The following SSBP3 variants were observed in gnomAD, a reference collection of about 807,000 sequenced individuals.
The protein encoded by SSBP3 is single stranded DNA binding protein 3.
Under a neutral mutation model 69.6 loss-of-function variants are expected in SSBP3, and 5 were observed. The observed-to-expected ratio is 0.07, with a 90% CI of 0.04 to 0.15. SSBP3 has a LOEUF of 0.15. Among genes scored for constraint, SSBP3 ranks in the 10% least tolerant of loss-of-function variants. The probability of loss-of-function intolerance (pLI) is 1.00; values close to 1 mark genes in which losing one functional copy is unlikely to be tolerated. For synonymous variants in SSBP3, 196 were observed against 193.4 expected, an observed-to-expected ratio of 1.01 and a Z score of -0.11; for missense variants, 312 against 534.0, an observed-to-expected ratio of 0.58 and a Z score of 4.10.
chr1:54,273,051 G>A (rs915615094), intron 5 of SSBP3, among the ~76,000 whole-genome samples: 3 of 152,236 alleles, frequency 2.0e-5, no homozygotes, highest in Admixed American at 1.3e-4. Context: ...CCAGGAGGAC[G>A]TGGTGTGTAG....
chr1:54,305,634 AGAG>A lies in SSBP3; in HGVS notation c.277-24110_277-24108del, dbSNP rs796746914. 3.3e-3 allele frequency among the ~76,000 whole-genome samples: 478 copies of A among 145,422 alleles called. 4 individuals are homozygous for A. The highest frequency in any genetic ancestry group is 0.012 in the African/African-American group (457 of 38,456). On this transcript the variant is annotated intron_variant, in intron 4 of 17. Transcript: ENST00000610401. ...TATTTTTCTTTAAAAAAAAAAAAAA[AGAG>A]AGAGAGAGAGAGACGAGGTCTCATT...
intron 13 of SSBP3, among the ~76,000 whole-genome samples, chr1:54,239,401 C>G (rs1644563658): frequency 6.6e-6 from 1 of 152,168 alleles, no homozygotes; most frequent in Non-Finnish European, 1.5e-5. Flanking sequence ...ACCACTCAAC[C>G]CCAGCAGTGT....
chr1:54,226,461 T>G (rs58662866), exon 18 of SSBP3: 2,001 of 153,212 alleles, frequency 0.013, 44 homozygotes, highest in African/African-American at 0.046. Flanking sequence ...AAACCCCAAG[T>G]GGAAAACGGT....
At position 54,301,226 on chromosome 1, in the gene SSBP3, G is replaced by T. The variant is rs542998618; in HGVS notation, c.277-19699C>A. On this transcript the variant is annotated intron_variant, in intron 4 of 17. Transcript: ENST00000610401. ...ATTAATTCTCTGCCAACAGTTTTCC[G>T]CAACAGAAGCCTCACCTGGACCATT... Among the ~76,000 whole-genome samples the T allele has an allele frequency of 2.6e-5, 4 of 152,264 alleles. No homozygotes were observed. In the East Asian group the frequency reaches 7.7e-4, roughly 29 times the overall value.
At chr1:54,353,110 G>A (rs928568389) in intron 4 of SSBP3, among the ~76,000 whole-genome samples, 7 of 152,154 alleles carry the variant, frequency 4.6e-5, no homozygotes, top group East Asian at 3.9e-4. Flanking sequence ...AGCTGCAGGC[G>A]CTCCCTGGAC....
At chr1:54,397,974 T>C (rs919592361) in intron 4 of SSBP3, among the ~76,000 whole-genome samples, 18 of 152,322 alleles carry the variant, frequency 1.2e-4, no homozygotes, top group African/African-American at 4.3e-4. Flanking sequence ...TCAGTGAACA[T>C]GTCGGGGGGC....
At chr1:54,272,703 C>T (rs1413943538) in intron 5 of SSBP3, among the ~76,000 whole-genome samples, 2 of 152,178 alleles carry the variant, frequency 1.3e-5, no homozygotes, top group African/African-American at 2.4e-5. Context: ...GGAGAACTGC[C>T]GACCTGCGGC....
At chr1:54,270,237 G>A (rs1331218813) in intron 5 of SSBP3, among the ~76,000 whole-genome samples, 5 of 152,254 alleles carry the variant, frequency 3.3e-5, no homozygotes, top group Admixed American at 1.3e-4. Context: ...GAATGCAGGC[G>A]CACAGGTGAA....
At chr1:54,242,316 G>A (rs752012546) in intron 10 of SSBP3, 104 bp from the exon 11 acceptor site, 10 of 1,379,586 alleles carry the variant, frequency 7.2e-6, no homozygotes, top group Non-Finnish European at 1.0e-5. Context: ...ACAACAGGAA[G>A]TCCTTCCTAC....
At chr1:54,284,844 T>C (rs1645459071) in intron 4 of SSBP3, among the ~76,000 whole-genome samples, 1 of 152,164 alleles carries the variant, frequency 6.6e-6, no homozygotes, top group Admixed American at 6.5e-5. Context: ...CACTCTAAGA[T>C]GTTTTCCTAT....
chr1:54,410,033 T>C (rs1459433525), upstream of SSBP3, among the ~76,000 whole-genome samples: 1 of 152,188 alleles, frequency 6.6e-6, no homozygotes, highest in African/African-American at 2.4e-5. Context: ...GTGTCCCCAC[T>C]GCATGGGTGT....
chr1:54,318,063 C>A (rs948195886), intron 4 of SSBP3, among the ~76,000 whole-genome samples: 1 of 152,200 alleles, frequency 6.6e-6, no homozygotes, highest in South Asian at 2.1e-4. Context: ...CCACTGCGCC[C>A]GGCCTCTCCA....
Position 54,233,724 on chromosome 1 carries a change from G to GC in SSBP3, c.928-4899dup, listed in dbSNP as rs1483839862. Among the ~76,000 whole-genome samples, 6 of 150,292 alleles carry GC rather than the reference G, an allele frequency of 4.0e-5. No individual in the cohort carries two copies. In the South Asian group the frequency reaches 1.3e-3, roughly 32 times the overall value. ...GTCTGGGAGGGAGGTGGGGGGGTCA[G>GC]CCCCCCGCCCAGCCAGCTGCCCCGT... On this transcript the variant is annotated intron_variant, in intron 14 of 17. Transcript: ENST00000610401.
rs201209986 is a variant in SSBP3 at position 54,243,294 on chromosome 1, G to A, written c.657C>T (p.Tyr219=). 130 of 1,613,334 alleles carry A rather than the reference G, an allele frequency of 8.1e-5. 1 individual carries two copies. The East Asian group carries it at 1.7e-3, about 20-fold the overall frequency. Residue 219 remains tyrosine (Y), a synonymous_variant, in exon 10 of 18, where the codon TAC becomes TAT. Transcript: ENST00000610401. ...TGGGTGGTGGTCTCATGCCGCTGCC[G>A]TAATTCTGCAACGATAACCAAGGGT...
At chr1:54,399,381 C>G (rs1432220840) in intron 4 of SSBP3, among the ~76,000 whole-genome samples, 1 of 152,238 alleles carries the variant, frequency 6.6e-6, no homozygotes, top group Non-Finnish European at 1.5e-5. Context: ...GAATTAACCA[C>G]TGTGTGCCTC....
chr1:54,370,678 A>G (rs1647116547), intron 4 of SSBP3, among the ~76,000 whole-genome samples: 1 of 152,180 alleles, frequency 6.6e-6, no homozygotes, highest in Non-Finnish European at 1.5e-5. Context: ...GCTCACATAC[A>G]GGAGATTGTT....
intron 4 of SSBP3, among the ~76,000 whole-genome samples, chr1:54,378,050 A>G (rs572101257): frequency 8.5e-5 from 13 of 152,238 alleles, no homozygotes; most frequent in African/African-American, 3.1e-4. Flanking sequence ...CGGAACCTCT[A>G]CAGGCCCCGG....
At position 54,228,442 on chromosome 1, in the gene SSBP3, C is replaced by T. The variant is rs1252909191; in HGVS notation, c.1035+7G>A. 6 of 1,614,098 alleles carry T rather than the reference C, an allele frequency of 3.7e-6. No homozygotes were observed. Among genetic ancestry groups the T allele is most frequent in the East Asian group, 4.5e-5 (2 of 44,894 alleles). ...GGCGCCGCCAGGGAGACCGAGTGCA[C>T]ACTCACTTTTGGAAGTCCGTCTATG... On this transcript the variant is annotated splice_region_variant and intron_variant, in intron 16 of 17. Coordinates refer to ENST00000610401, the Ensembl canonical transcript of SSBP3.
rs779468553 is a variant in SSBP3, at chr1:54,243,303, C to A, written c.652-4G>T. 21 of 1,613,898 alleles carry A rather than the reference C, an allele frequency of 1.3e-5. No individual in the cohort carries two copies. ...GTCTCATGCCGCTGCCGTAATTCTG[C>A]AACGATAACCAAGGGTCAGTCTATG... On this transcript the variant is annotated splice_polypyrimidine_tract_variant and splice_region_variant and intron_variant, in intron 9 of 17. Coordinates refer to ENST00000610401, the Ensembl canonical transcript of SSBP3.
Sources: gnomAD v4.1 joint callset for allele counts (sites outside exome capture counted in the v4.1 genomes callset) on GRCh38, gnomAD v4.1.1 for gene constraint, MANE v1.5 for transcripts, NCBI Gene and HGNC (gene_info 2026-07-23, HGNC 2026-07-21) for gene names.